The following KDM7A variants were observed in gnomAD, a reference collection of about 807,000 sequenced individuals.
The protein encoded by KDM7A is lysine-specific demethylase 7A.
A neutral mutation model predicts 114.8 loss-of-function variants in KDM7A; 28 were observed. The observed-to-expected ratio is 0.24, with a 90% confidence interval of 0.18 to 0.33. The LOEUF (loss-of-function observed/expected upper bound fraction) is 0.33. KDM7A is among the 10% of genes least tolerant of loss of function. The probability of loss-of-function intolerance (pLI) is 1.00; values close to 1 mark genes in which losing one functional copy is unlikely to be tolerated. For synonymous variants in KDM7A, 423 were observed against 397.8 expected (o/e 1.06, Z -0.75); for missense variants, 942 against 1,142.5 (o/e 0.82, Z 2.53).
intron 2 of KDM7A, among the ~76,000 whole-genome samples, chr7:140,137,100 A>G (rs937312388): frequency 6.6e-6 from 1 of 152,148 alleles, no homozygotes; most frequent in African/African-American, 2.4e-5. Context: ...AGGGAAGGTG[A>G]GCCTTAAATC....
intron 9 of KDM7A, among the ~76,000 whole-genome samples, chr7:140,114,067 T>C (rs993357320): frequency 6.6e-6 from 1 of 152,212 alleles, no homozygotes; most frequent in Non-Finnish European, 1.5e-5. Context: ...CTGTCACTAA[T>C]AAAGGGTTAT....
chr7:140,158,870 T>C (rs1286509891), intron 1 of KDM7A, among the ~76,000 whole-genome samples: 1 of 152,062 alleles, frequency 6.6e-6, no homozygotes, highest in Non-Finnish European at 1.5e-5. Context: ...CTGATTGGAT[T>C]GAGTACAAGA....
intron 1 of KDM7A, among the ~76,000 whole-genome samples, chr7:140,170,468 C>A (rs1275625883): frequency 2.0e-5 from 3 of 152,162 alleles, no homozygotes. Flanking sequence ...ACCATCTACC[C>A]CCTTGACAGC....
chr7:140,127,485 G>A lies in KDM7A; in HGVS notation c.658C>T (p.Pro220Ser). ...YVKYFMNPNR[P>S]KVLNVISLEF... ...AGGCTGATCACATTTAACACTTTTG[G>A]TCTGTTAGGATTCATGAAGTATTTA... The change falls in exon 5 of 20, where the codon CCA becomes TCA. Residue 220 changes from proline (P) to serine (S), a missense_variant. Physicochemically the swap from Pro to Ser is moderately conservative, Grantham distance 74. Transcript: ENST00000397560. The A allele has an allele frequency of 6.2e-7, 1 of 1,613,530 alleles. No individual in the cohort carries two copies. Among genetic ancestry groups the A allele is most frequent in the South Asian group, 1.1e-5 (1 of 91,016 alleles).
intron 17 of KDM7A, among the ~76,000 whole-genome samples, chr7:140,095,255 T>C (rs1818086880): frequency 6.6e-6 from 1 of 152,246 alleles, no homozygotes; most frequent in Admixed American, 6.5e-5. Context: ...GGTATTTGCC[T>C]GAATTTTGCA....
chr7:140,146,221 C>A (rs1794338761), intron 1 of KDM7A, among the ~76,000 whole-genome samples: 4 of 152,094 alleles, frequency 2.6e-5, no homozygotes, highest in African/African-American at 9.7e-5. Context: ...ATTAACCATA[C>A]AAAATACAAT....
intron 17 of KDM7A, among the ~76,000 whole-genome samples, chr7:140,095,911 A>C (rs749137710): frequency 6.6e-6 from 1 of 152,100 alleles, no homozygotes; most frequent in Non-Finnish European, 1.5e-5. Context: ...AAAAAAAATT[A>C]TTTCAGTGAA....
intron 1 of KDM7A, among the ~76,000 whole-genome samples, chr7:140,142,873 A>G (rs1439516381): frequency 2.0e-5 from 3 of 151,188 alleles, no homozygotes; most frequent in Non-Finnish European, 2.9e-5. Context: ...GTATATTCTC[A>G]TAACAGAAAT....
chr7:140,105,670 T>C (rs1051202240), intron 11 of KDM7A, among the ~76,000 whole-genome samples: 21 of 152,234 alleles, frequency 1.4e-4, no homozygotes, highest in Non-Finnish European at 2.9e-4. Flanking sequence ...CTTTTTGATG[T>C]GCTGCTGGAT....
chr7:140,159,945 T>TAAAA (rs71520071), intron 1 of KDM7A, among the ~76,000 whole-genome samples: 4 of 124,032 alleles, frequency 3.2e-5, no homozygotes, highest in African/African-American at 6.1e-5. Context: ...TGACTTCCAT[T>TAAAA]AAAAAAAAAA....
At chr7:140,140,102 T>C (rs2116821866) in intron 1 of KDM7A, among the ~76,000 whole-genome samples, 1 of 151,656 alleles carries the variant, frequency 6.6e-6, no homozygotes, top group South Asian at 2.1e-4. Flanking sequence ...CTCCAGAGAG[T>C]AGGAAAAAAG....
Position 140,119,188 on chromosome 7 carries a change from G to C in KDM7A, c.1171C>G (p.Pro391Ala). 1 of 1,607,604 alleles carries C rather than the reference G, an allele frequency of 6.2e-7. No homozygotes were observed. Among genetic ancestry groups the C allele is most frequent in the Non-Finnish European group, 8.5e-7 (1 of 1,175,696 alleles). Residue 391 changes from proline (P) to alanine (A), a missense_variant, in exon 9 of 20, where the codon CCA (proline) becomes GCA (alanine). Pro to Ala is a conservative substitution (Grantham distance 27). Transcript: ENST00000397560. Reference protein sequence around the residue: ...CYEMEKRLKTPDLFKFPFFEA... With the variant: ...CYEMEKRLKTADLFKFPFFEA... ...AAGAAAGGGAATTTGAAAAGATCTG[G>C]TGTTTTTAGCCTTTTCTCCATCTCA... is the stretch of plus-strand genomic sequence containing the variant.
intron 9 of KDM7A, among the ~76,000 whole-genome samples, chr7:140,114,438 G>C (rs1046104294): frequency 9.2e-5 from 14 of 152,222 alleles, no homozygotes; most frequent in African/African-American, 3.4e-4. Flanking sequence ...CCGAGGTGCC[G>C]GGATTGCAGA....
At chr7:140,126,567 G>T in intron 6 of KDM7A, 70 bp downstream of exon 6, 29 of 788,750 alleles carry the variant, frequency 3.7e-5, no homozygotes, top group Non-Finnish European at 4.9e-5. Context: ...TACAAGAAAT[G>T]AATATACCAC....
chr7:140,107,761 C>A (rs1320274903), intron 11 of KDM7A, among the ~76,000 whole-genome samples: 1 of 152,124 alleles, frequency 6.6e-6, no homozygotes, highest in East Asian at 1.9e-4. Context: ...TGGAGTTGCT[C>A]TTCTCAAGAA....
Position 140,105,428 on chromosome 7 carries a change from C to T in KDM7A, c.1429-3268G>A, listed in dbSNP as rs571359226. Among the ~76,000 whole-genome samples the T allele has an allele frequency of 1.4e-4, 22 of 152,284 alleles. No homozygotes were observed. The East Asian group carries it at 3.9e-3, about 27-fold the overall frequency. On this transcript the variant is annotated intron_variant, in intron 11 of 19. Transcript: ENST00000397560. ...ATTATGATATTGGCTGTGAGTTTGT[C>T]ATAAATAGCTCTTATTATTTTGAGA...
intron 9 of KDM7A, among the ~76,000 whole-genome samples, chr7:140,118,188 AG>A (rs1305736630): frequency 8.5e-5 from 13 of 152,352 alleles, no homozygotes; most frequent in African/African-American, 2.9e-4. Context: ...TGACTAGAAA[AG>A]TTAGACAACA....
At chr7:140,137,526 C>T (rs1217404199) in intron 2 of KDM7A, among the ~76,000 whole-genome samples, 2 of 152,124 alleles carry the variant, frequency 1.3e-5, no homozygotes, top group African/African-American at 4.8e-5. Flanking sequence ...GAGTTACTCC[C>T]AGTCAACAAT....
At chr7:140,157,504 A>C (rs1358249268) in intron 1 of KDM7A, among the ~76,000 whole-genome samples, 3 of 152,152 alleles carry the variant, frequency 2.0e-5, no homozygotes, top group African/African-American at 4.8e-5. Flanking sequence ...ATATTTAAAA[A>C]TTAGCTGGGT....
Sources: gnomAD v4.1 joint callset for allele counts (sites outside exome capture counted in the v4.1 genomes callset) on GRCh38, gnomAD v4.1.1 for gene constraint, MANE v1.5 for transcripts, NCBI Gene and HGNC (gene_info 2026-07-23, HGNC 2026-07-21) for gene names.